MAN1B1: variants seen among roughly 807,000 people sequenced by gnomAD.
The protein encoded by MAN1B1 is mannosidase alpha class 1B member 1.
Under a neutral mutation model 75.5 loss-of-function variants are expected in MAN1B1, and 66 were observed. The ratio of observed to expected loss-of-function variants is 0.87; its 90% CI spans 0.72 to 1.07. The LOEUF is 1.07. Ranked by LOEUF, MAN1B1 falls within the 50% of genes least tolerant of loss-of-function variation. The pLI, the probability that MAN1B1 is intolerant of heterozygous loss-of-function variation, is 0.00. For missense variants in MAN1B1, 973 were observed against 912.5 expected, an observed-to-expected ratio of 1.07 and a Z score of -0.85; for synonymous variants, 453 against 382.8, an observed-to-expected ratio of 1.18 and a Z score of -2.14.
rs112923303 is a variant in MAN1B1 at position 137,089,175 on chromosome 9, T to C, written c.465+170T>C. 0.055 allele frequency: 46,660 copies of C among 841,730 alleles called. 1,578 individuals are homozygous for C. The highest frequency in any genetic ancestry group is 0.071 in the Middle Eastern group (247 of 3,474). 52.1% of individuals were successfully genotyped at this position (841,730 alleles called of 1,614,324 possible). On this transcript the variant is annotated intron_variant, in intron 3 of 12. Coordinates refer to ENST00000371589, the MANE Select transcript of MAN1B1 (RefSeq NM_016219.5). ...CTTGGGGAAAGAGAGGCGTAGTCTT[T>C]GCTTCATTCTTTTTGAAGACCAGCC...
chr9:137,091,621 G>C (rs1241879805), intron 3 of MAN1B1, among the ~76,000 whole-genome samples: 1 of 149,470 alleles, frequency 6.7e-6, no homozygotes, highest in Non-Finnish European at 1.5e-5. Flanking sequence ...CCACCTCCCG[G>C]GTTCATGCCA....
Position 137,088,174 on chromosome 9 carries a change from C to T in MAN1B1, c.319C>T (p.His107Tyr), listed in dbSNP as rs1164900309. ...GLLFYINLAD[H>Y]WKALAFRLEE... is the part of the protein sequence containing the mutation. ...CCTCTTCTACATCAACTTGGCTGAC[C>T]ATTGGAAAGGTATCAGAAACACGTG... The change falls in exon 2 of 13, where the codon CAT becomes TAT. Residue 107 changes from histidine (H) to tyrosine (Y), a missense_variant. By Grantham distance (83) the His-to-Tyr change is moderately conservative. Transcript: ENST00000371589. 1 of 1,614,026 alleles carries T rather than the reference C, an allele frequency of 6.2e-7. No individual in the cohort carries two copies. Among genetic ancestry groups the T allele is most frequent in the Non-Finnish European group, 8.5e-7 (1 of 1,180,034 alleles).
chr9:137,103,988 C>T (rs2131105091), intron 8 of MAN1B1: 1 of 454,682 alleles, frequency 2.2e-6, no homozygotes, highest in Admixed American at 2.4e-5. Context: ...TGCAGGCATG[C>T]AGGTCGGTGG....
chr9:137,108,244 G>T, intron 12 of MAN1B1, 144 bp from the exon 13 acceptor site: 1 of 732,474 alleles, frequency 1.4e-6, no homozygotes. Context: ...GGCTCGCCTG[G>T]GGGTGGCCAT....
At chr9:137,088,392 C>T (rs759383974) in intron 2 of MAN1B1, 2 of 1,579,754 alleles carry the variant, frequency 1.3e-6, no homozygotes, top group South Asian at 1.1e-5. Flanking sequence ...CTTTCTAGGT[C>T]TCTGGTGTAA....
chr9:137,088,265 CA>C, intron 2 of MAN1B1, 82 bp downstream of exon 2: 1 of 1,613,140 alleles, frequency 6.2e-7, no homozygotes, highest in East Asian at 2.2e-5. Context: ...CTACCTTAAA[CA>C]GCTCCAGGAG....
Position 137,097,836 on chromosome 9 carries a change from G to C in MAN1B1, c.629G>C (p.Gly210Ala). The C allele has an allele frequency of 6.4e-7, 1 of 1,554,054 alleles. No homozygotes were observed. The highest frequency in any genetic ancestry group is 1.4e-5 in the African/African-American group (1 of 73,310). The change falls in exon 5 of 13, where the codon GGA (glycine) becomes GCA (alanine). Residue 210 changes from glycine to alanine, a missense_variant. Transcript: ENST00000371589. ...DPQRTVISWR[G>A]AVIEPEQGTE... ...TTCCTTCTCCCCCGAAGCTGGAGGG[G>C]AGCGGTGATCGAGCCTGAGCAGGGC...
chr9:137,100,281 C>T (rs558118746), intron 6 of MAN1B1, among the ~76,000 whole-genome samples: 26 of 152,286 alleles, frequency 1.7e-4, no homozygotes, highest in South Asian at 2.1e-4. Flanking sequence ...GTTATTTAAG[C>T]GATAATTTAA....
chr9:137,087,287 C>G, intron 1 of MAN1B1, 69 bp downstream of exon 1: 1 of 1,506,464 alleles, frequency 6.6e-7, no homozygotes, highest in Middle Eastern at 1.8e-4. Flanking sequence ...ACTGCGGCTC[C>G]GAGCGGGACC....
At chr9:137,101,730 C>G in intron 8 of MAN1B1, 58 bp downstream of exon 8, 3 of 1,552,506 alleles carry the variant, frequency 1.9e-6, no homozygotes, top group Non-Finnish European at 2.6e-6. Flanking sequence ...TTTTGCTCAT[C>G]ACAGCAGGTA....
intron 8 of MAN1B1, chr9:137,103,925 A>G: frequency 1.3e-5 from 6 of 452,252 alleles, no homozygotes; most frequent in South Asian, 9.4e-5. Flanking sequence ...GTAGTGTTAC[A>G]CATTCATGCT....
At position 137,087,008 on chromosome 9, in the gene MAN1B1, C is replaced by G. The variant is rs752045534; in HGVS notation, c.9C>G (p.Ala3=). Residue 3 remains alanine, a synonymous_variant, in exon 1 of 13, where the codon GCC becomes GCG. Coordinates refer to ENST00000371589, the MANE Select transcript of MAN1B1 (RefSeq NM_016219.5). MA[A]CEGRRSGALG... ...CTGTTGACGGCGCTGCGATGGCTGC[C>G]TGCGAGGGCAGGAGAAGCGGAGCTC... is the stretch of plus-strand genomic sequence containing the variant. 2.5e-6 allele frequency: 4 copies of G among 1,596,066 alleles called. No homozygotes were observed. In the Admixed American group the frequency reaches 7.0e-5, roughly 28 times the overall value.
rs137960366 is a variant in MAN1B1, at chr9:137,108,776, T to G, written c.*185T>G. Reference sequence around the variant, plus strand: ...TGAGGACAAGTGAGGCCGTCAGTCTTGGTGTGATGCGGGGTGGGCTGGGCC... The same window carrying G: ...TGAGGACAAGTGAGGCCGTCAGTCTGGGTGTGATGCGGGGTGGGCTGGGCC... On this transcript the variant is annotated 3_prime_UTR_variant, in exon 13 of 13. Transcript: ENST00000371589. The G allele has an allele frequency of 5.9e-4, 418 of 710,274 alleles. 4 individuals are homozygous for G. In the East Asian group the frequency reaches 9.9e-3, roughly 17 times the overall value. 44.0% of individuals were successfully genotyped at this position (710,274 alleles called of 1,614,324 possible).
At chr9:137,099,577 C>T (rs1315846964) in intron 5 of MAN1B1, 119 bp from the exon 6 acceptor site, 29 of 1,159,182 alleles carry the variant, frequency 2.5e-5, no homozygotes, top group Admixed American at 1.9e-4. Context: ...TCCCGTCGTC[C>T]CAAACCCACC....
intron 7 of MAN1B1, 130 bp downstream of exon 7, chr9:137,101,283 C>A: frequency 7.6e-7 from 1 of 1,321,482 alleles, no homozygotes; most frequent in Non-Finnish European, 1.1e-6. Flanking sequence ...TGTTTCTGAG[C>A]TCATATTCGT....
intron 2 of MAN1B1, chr9:137,088,392 C>A: frequency 6.3e-7 from 1 of 1,579,754 alleles, no homozygotes; most frequent in East Asian, 2.3e-5. Flanking sequence ...CTTTCTAGGT[C>A]TCTGGTGTAA....
At chr9:137,096,453 T>A in intron 4 of MAN1B1, 62 bp downstream of exon 4, 1 of 1,577,672 alleles carries the variant, frequency 6.3e-7, no homozygotes, top group Non-Finnish European at 8.6e-7. Flanking sequence ...AAAAACAAGA[T>A]TGCGGAAACG....
At chr9:137,089,276 C>G in intron 3 of MAN1B1, 1 of 486,716 alleles carries the variant, frequency 2.1e-6, no homozygotes, top group Middle Eastern at 6.0e-4. Context: ...GAGGCCACAG[C>G]TGGTAGGAGA....
chr9:137,107,633 A>ATTCTGCAGAGC lies in MAN1B1; in HGVS notation c.1871_1881dup (p.Ser628CysfsTer104). 1.9e-6 allele frequency: 3 copies of ATTCTGCAGAGC among 1,610,374 alleles called. No homozygotes were observed. The highest frequency in any genetic ancestry group is 2.5e-6 in the Non-Finnish European group (3 of 1,179,946). On this transcript the variant is annotated frameshift_variant, in exon 12 of 13. Transcript: ENST00000371589. LOFTEE classifies it high-confidence loss of function. Reference sequence around the variant, plus strand: ...CAAATACCAGGACTGGGGCTGGGAGATTCTGCAGAGCTTCAGCCGATTCAC... The same window carrying ATTCTGCAGAGC: ...CAAATACCAGGACTGGGGCTGGGAGATTCTGCAGAGCTTCTGCAGAGCTTCAGCCGATTCAC...
Sources: allele counts gnomAD v4.1 joint callset (sites outside exome capture counted in the v4.1 genomes callset), GRCh38; gene constraint gnomAD v4.1.1; transcripts MANE v1.5; gene names NCBI Gene and HGNC (gene_info 2026-07-23, HGNC 2026-07-21).